Variants in ART3 observed in about 807,000 individuals in gnomAD.
ART3 encodes the protein ADP-ribosyltransferase 3 (inactive), also known as ecto-ADP-ribosyltransferase 3.
ART3 carries 49 observed loss-of-function variants against 48.5 expected under a neutral mutation model. The observed-to-expected ratio is 1.01, with a 90% CI of 0.80 to 1.28. The LOEUF is 1.28. ART3 is among the 50% of genes most tolerant of loss of function. ART3 has a pLI of 0.00. For missense variants in ART3, 438 were observed against 454.3 expected (o/e 0.96, Z 0.33); for synonymous variants, 145 against 157.2 (o/e 0.92, Z 0.58).
At chr4:76,093,584 G>C (rs1481770179) in intron 3 of ART3, among the ~76,000 whole-genome samples, 1 of 152,140 alleles carries the variant, frequency 6.6e-6, no homozygotes, top group Admixed American at 6.5e-5. Flanking sequence ...CCACCTGAAG[G>C]CCAGCTAATT....
rs909378370 is a variant in ART3 at position 76,048,892 on chromosome 4, T to C, written c.-9-26989T>C. Among the ~76,000 whole-genome samples the C allele has an allele frequency of 3.9e-5, 6 of 151,910 alleles. 1 individual carries two copies. Among genetic ancestry groups the C allele is most frequent in the Admixed American group, 3.3e-4 (5 of 15,258 alleles). On this transcript the variant is annotated intron_variant, in intron 1 of 9. Coordinates refer to the ART3 transcript ENST00000341029. ...CCTGTTAGTATTGGGACTTTACCCC[T>C]GTCCTATAAAGATCTTATGCCCCAA...
chr4:76,022,927 C>T, intron 1 of ART3: 1 of 1,085,486 alleles, frequency 9.2e-7, no homozygotes, highest in Non-Finnish European at 1.3e-6. Context: ...AGCAAATAGT[C>T]ACTTAATCTG....
At chr4:76,036,834 C>T (rs569339035) in intron 1 of ART3, 2 of 242,152 alleles carry the variant, frequency 8.3e-6, no homozygotes, top group South Asian at 1.6e-4. Context: ...AGATGTTTGT[C>T]CCTACCCTTT....
chr4:76,088,455 T>C (rs1047858318), intron 3 of ART3, among the ~76,000 whole-genome samples: 1 of 151,772 alleles, frequency 6.6e-6, no homozygotes, highest in Non-Finnish European at 1.5e-5. Flanking sequence ...TTGTAGAGTT[T>C]ACTGAGACCT....
At chr4:76,072,581 C>T (rs186782176), upstream of ART3, among the ~76,000 whole-genome samples, 1 of 151,790 alleles carries the variant, frequency 6.6e-6, no homozygotes, top group Non-Finnish European at 1.5e-5. Flanking sequence ...TTACATTCAC[C>T]CTACAGACCA....
At chr4:76,086,100 A>G (rs1723511987) in intron 3 of ART3, among the ~76,000 whole-genome samples, 1 of 144,822 alleles carries the variant, frequency 6.9e-6, no homozygotes, top group Non-Finnish European at 1.5e-5. Context: ...CAGAACTACC[A>G]TATGACCCAG....
intron 1 of ART3, among the ~76,000 whole-genome samples, chr4:76,046,385 C>G (rs181368809): frequency 1.1e-3 from 160 of 152,156 alleles, no homozygotes; most frequent in African/African-American, 3.7e-3. Context: ...ATTAATGAGT[C>G]TAAGATCTTG....
intron 3 of ART3, among the ~76,000 whole-genome samples, chr4:76,089,791 T>C (rs1724438173): frequency 6.6e-6 from 1 of 151,986 alleles, no homozygotes; most frequent in African/African-American, 2.4e-5. Context: ...ATTTAAAATA[T>C]TCTTTGGAGG....
chr4:76,080,387 T>C (rs760235397), intron 2 of ART3, among the ~76,000 whole-genome samples: 5 of 152,186 alleles, frequency 3.3e-5, no homozygotes, highest in African/African-American at 4.8e-5. Context: ...AACCACGGCA[T>C]GTTAAAGACT....
At chr4:76,089,493 T>G (rs1724351217) in intron 3 of ART3, among the ~76,000 whole-genome samples, 1 of 152,146 alleles carries the variant, frequency 6.6e-6, no homozygotes, top group Non-Finnish European at 1.5e-5. Context: ...GCTCTGGCCA[T>G]GTAAGACGAG....
At chr4:76,105,628 G>A in intron 10 of ART3, 1 of 1,246,168 alleles carries the variant, frequency 8.0e-7, no homozygotes, top group Non-Finnish European at 1.0e-6. Flanking sequence ...AGTTAGTTCA[G>A]TCTTATGGGG....
chr4:76,022,276 T>C, intron 1 of ART3: 1 of 1,066,932 alleles, frequency 9.4e-7, no homozygotes, highest in African/African-American at 1.6e-5. Context: ...AAACCAGCGA[T>C]TGCACAGCAA....
At chr4:76,089,392 C>T (rs559413994) in intron 3 of ART3, among the ~76,000 whole-genome samples, 2 of 151,310 alleles carry the variant, frequency 1.3e-5, no homozygotes, top group African/African-American at 4.9e-5. Flanking sequence ...TATTTAGCAC[C>T]GTCCCCTTTG....
intron 1 of ART3, among the ~76,000 whole-genome samples, chr4:76,024,824 T>A (rs1733221783): frequency 6.6e-6 from 1 of 152,158 alleles, no homozygotes; most frequent in Non-Finnish European, 1.5e-5. Context: ...AAAGCTTCCA[T>A]CCTAGGATCA....
chr4:76,067,205 A>T (rs947559863), intron 1 of ART3, among the ~76,000 whole-genome samples: 2 of 152,264 alleles, frequency 1.3e-5, no homozygotes, highest in African/African-American at 4.8e-5. Context: ...GGGAAAGGAC[A>T]AAAGATTCTC....
chr4:76,089,610 T>C (rs1261372867), intron 3 of ART3, among the ~76,000 whole-genome samples: 1 of 152,180 alleles, frequency 6.6e-6, no homozygotes, highest in Non-Finnish European at 1.5e-5. Context: ...ACTCCTTTCT[T>C]TATAAATTAC....
intron 3 of ART3, among the ~76,000 whole-genome samples, chr4:76,095,624 AT>A (rs1560642890): frequency 1.3e-5 from 2 of 152,244 alleles, no homozygotes; most frequent in African/African-American, 2.4e-5. Context: ...ATCACAAGGC[AT>A]CCCCCTCTAG....
intron 1 of ART3, among the ~76,000 whole-genome samples, chr4:76,041,974 T>C (rs1409108931): frequency 6.6e-6 from 1 of 152,212 alleles, no homozygotes; most frequent in Non-Finnish European, 1.5e-5. Flanking sequence ...CTTAGCAGTG[T>C]TGGCCTTTTT....
chr4:76,056,208 T>TA (rs1215876832), intron 1 of ART3, among the ~76,000 whole-genome samples: 4 of 152,230 alleles, frequency 2.6e-5, no homozygotes. Flanking sequence ...CCCTAGGTGT[T>TA]ATCTCTCTGC....
Sources: allele counts gnomAD v4.1 joint callset (sites outside exome capture counted in the v4.1 genomes callset), GRCh38; gene constraint gnomAD v4.1.1; transcripts MANE v1.5; gene names NCBI Gene and HGNC (gene_info 2026-07-23, HGNC 2026-07-21).